The following ABCA1 variants were observed in gnomAD, a reference collection of about 807,000 sequenced individuals.
The protein encoded by ABCA1 is ATP binding cassette subfamily A member 1.
ABCA1 carries 133 observed loss-of-function variants against 262.5 expected under a neutral mutation model. That is an observed-to-expected ratio of 0.51 (90% confidence interval 0.44 to 0.59). The LOEUF (loss-of-function observed/expected upper bound fraction) is 0.59. ABCA1 is among the 20% of genes least tolerant of loss of function. The pLI, the probability that ABCA1 is intolerant of heterozygous loss-of-function variation, is 0.00. For missense variants in ABCA1, 2,452 were observed against 2,777.5 expected (o/e 0.88, Z 2.63); for synonymous variants, 1,022 against 1,043.5 (o/e 0.98, Z 0.40).
chr9:104,857,941 T>C (rs1448536290), intron 7 of ABCA1, among the ~76,000 whole-genome samples: 1 of 152,176 alleles, frequency 6.6e-6, no homozygotes, highest in African/African-American at 2.4e-5. Context: ...GGCTCACCAG[T>C]ATTTTTTGGT....
intron 1 of ABCA1, among the ~76,000 whole-genome samples, chr9:104,922,299 A>G (rs148104090): frequency 9.1e-4 from 139 of 152,236 alleles, no homozygotes; most frequent in Non-Finnish European, 1.7e-3. Context: ...TCAGGCAACT[A>G]TTTTCAGGTG....
Position 104,812,831 on chromosome 9 carries a change from G to A in ABCA1, c.3902-109C>T, listed in dbSNP as rs1831397336. ...ACTATCTTGAAGGCATGTGTCTGAA[G>A]CTAGAAGTTTCTCAGAAGTAAAGGG... On this transcript the variant is annotated intron_variant, in intron 27 of 49. Coordinates refer to ENST00000374736, the MANE Select transcript of ABCA1 (RefSeq NM_005502.4). 10 of 1,425,706 alleles carry A rather than the reference G, an allele frequency of 7.0e-6. No individual in the cohort carries two copies. The South Asian group carries it at 9.3e-5, about 13-fold the overall frequency. The allele number at this position is 1,425,706 out of a possible 1,614,324, so 88.3% of individuals were successfully genotyped here.
In ABCA1 at chr9:104,781,901, T is replaced by A. The variant is rs1828569162; in HGVS notation, c.*2414A>T. On this transcript the variant is annotated 3_prime_UTR_variant, in exon 50 of 50. Coordinates refer to ENST00000374736, the MANE Select transcript of ABCA1 (RefSeq NM_005502.4). ...ACAATTAGGTTTACACAGGAAAATG[T>A]AAAAAATTACTATTTTAAAAGGTAA... 1 of 152,226 alleles carries A rather than the reference T, an allele frequency of 6.6e-6. No individual in the cohort carries two copies. The highest frequency in any genetic ancestry group is 1.5e-5 in the Non-Finnish European group (1 of 67,990). The allele number at this position is 152,226 out of a possible 1,614,324, so 9.4% of individuals were successfully genotyped here. A position where few individuals can be genotyped will look rare whatever the true frequency, so the allele number is the denominator to read the frequency against.
At chr9:104,880,537 TAAAC>T (rs1838541207) in intron 5 of ABCA1, among the ~76,000 whole-genome samples, 1 of 151,554 alleles carries the variant, frequency 6.6e-6, no homozygotes, top group South Asian at 2.1e-4. Context: ...AAAATAAATT[TAAAC>T]AAATAAAATA....
At chr9:104,840,154 C>G in intron 9 of ABCA1, 125 bp downstream of exon 9, 1 of 1,531,128 alleles carries the variant, frequency 6.5e-7, no homozygotes, top group Non-Finnish European at 8.9e-7. Flanking sequence ...AGAGCTCAGT[C>G]TGGTGGGCAA....
At chr9:104,879,602 T>A (rs1333692996) in intron 5 of ABCA1, among the ~76,000 whole-genome samples, 1 of 152,188 alleles carries the variant, frequency 6.6e-6, no homozygotes, top group African/African-American at 2.4e-5. Context: ...TCCCTTTAGT[T>A]CAAAAAGCCA....
chr9:104,862,075 C>CACAT (rs1180768994), intron 5 of ABCA1, among the ~76,000 whole-genome samples: 2 of 138,526 alleles, frequency 1.4e-5, no homozygotes, highest in Non-Finnish European at 3.1e-5. Flanking sequence ...CACACACACA[C>CACAT]ATACACACAC....
At chr9:104,858,450 C>G in intron 7 of ABCA1, 72 bp downstream of exon 7, 4 of 1,485,554 alleles carry the variant, frequency 2.7e-6, no homozygotes, top group Non-Finnish European at 3.8e-6. Context: ...CAAAGTCATG[C>G]TGTCCAAGGA....
At chr9:104,822,348 G>T (rs1832438489) in intron 19 of ABCA1, 148 bp downstream of exon 19, 3 of 1,085,650 alleles carry the variant, frequency 2.8e-6, no homozygotes, top group East Asian at 4.8e-5. Context: ...AGACACTCAT[G>T]ATTAGATAAC....
intron 5 of ABCA1, among the ~76,000 whole-genome samples, chr9:104,870,410 C>G (rs1837497086): frequency 6.6e-6 from 1 of 152,222 alleles, no homozygotes; most frequent in African/African-American, 2.4e-5. Flanking sequence ...CTCCAACCCT[C>G]TCTGCCACTC....
chr9:104,906,081 T>G (rs1373533772), intron 1 of ABCA1, among the ~76,000 whole-genome samples: 1 of 152,228 alleles, frequency 6.6e-6, no homozygotes, highest in Non-Finnish European at 1.5e-5. Flanking sequence ...CAAAGCAATG[T>G]GAGTTCCCTT....
intron 2 of ABCA1, among the ~76,000 whole-genome samples, chr9:104,895,003 T>C (rs1195449105): frequency 6.6e-6 from 1 of 152,226 alleles, no homozygotes; most frequent in Admixed American, 6.5e-5. Flanking sequence ...CCATTATGGC[T>C]ACACTCATTA....
chr9:104,797,344 A>C (rs1264175155), intron 37 of ABCA1, among the ~76,000 whole-genome samples: 1 of 152,264 alleles, frequency 6.6e-6, no homozygotes, highest in Non-Finnish European at 1.5e-5. Flanking sequence ...TTTCAAAAAA[A>C]TCAAATGAAT....
At chr9:104,898,864 C>T (rs1344502686) in intron 2 of ABCA1, among the ~76,000 whole-genome samples, 1 of 152,138 alleles carries the variant, frequency 6.6e-6, no homozygotes, top group Non-Finnish European at 1.5e-5. Flanking sequence ...AAATGAAATC[C>T]CTACCCACAC....
intron 23 of ABCA1, among the ~76,000 whole-genome samples, chr9:104,818,259 A>G (rs937318973): frequency 6.6e-6 from 1 of 152,194 alleles, no homozygotes; most frequent in East Asian, 1.9e-4. Context: ...TGTCTCTGGC[A>G]TGAAATCAGT....
chr9:104,909,449 G>C (rs556008183), intron 1 of ABCA1, among the ~76,000 whole-genome samples: 21 of 152,300 alleles, frequency 1.4e-4, no homozygotes, highest in Admixed American at 5.9e-4. Context: ...TTCTGATGAA[G>C]CATCTTTAGG....
rs112983814 is a variant in ABCA1 at position 104,860,085 on chromosome 9, C to T, written c.544-1387G>A. 2.8e-3 allele frequency among the ~76,000 whole-genome samples: 425 copies of T among 149,424 alleles called. 3 individuals are homozygous for T. The highest frequency in any genetic ancestry group is 0.01 in the African/African-American group (413 of 40,354). ...AAAAAAAAAAAAAGAATACTGACAA[C>T]GGAGGGCCTTTGTTGATGTCATCTT... is the stretch of plus-strand genomic sequence containing the variant. On this transcript the variant is annotated intron_variant, in intron 6 of 49. Transcript: ENST00000374736.
In ABCA1 at chr9:104,896,124, A is replaced by G. The variant is rs562468254; in HGVS notation, c.67-6929T>C. ...TGGTCGTAAATCTAAGAGAACTCAC[A>G]AAGTTAACTAAAAAGCTGCAAATGA... On this transcript the variant is annotated intron_variant, in intron 2 of 49. Coordinates refer to ENST00000374736, the MANE Select transcript of ABCA1 (RefSeq NM_005502.4). Among the ~76,000 whole-genome samples the G allele has an allele frequency of 4.6e-5, 7 of 152,346 alleles. No individual in the cohort carries two copies. In the South Asian group the frequency reaches 1.2e-3, roughly 27 times the overall value.
chr9:104,809,030 G>A (rs1445119309), intron 30 of ABCA1, among the ~76,000 whole-genome samples: 1 of 152,186 alleles, frequency 6.6e-6, no homozygotes, highest in East Asian at 1.9e-4. Flanking sequence ...GAAGAAGAAA[G>A]TGTCCCTTTT....
Sources: allele counts gnomAD v4.1 joint callset (sites outside exome capture counted in the v4.1 genomes callset), GRCh38; gene constraint gnomAD v4.1.1; transcripts MANE v1.5; gene names NCBI Gene and HGNC (gene_info 2026-07-23, HGNC 2026-07-21).